The following ARHGAP6 variants were observed in gnomAD, a reference collection of about 807,000 sequenced individuals.
The protein encoded by ARHGAP6 is rho GTPase-activating protein 6.
ARHGAP6 carries 16 observed loss-of-function variants against 55.7 expected under a neutral mutation model. That is an observed-to-expected ratio of 0.29 (90% CI 0.19 to 0.44). The LOEUF is 0.44. Ranked by LOEUF, ARHGAP6 falls within the 20% of genes least tolerant of loss-of-function variation. The pLI is 1.00. For missense variants in ARHGAP6, 698 were observed against 808.9 expected, an observed-to-expected ratio of 0.86 and a Z score of 1.66; for synonymous variants, 382 against 360.9, an observed-to-expected ratio of 1.06 and a Z score of -0.66.
intron 3 of ARHGAP6, among the ~76,000 whole-genome samples, chrX:11,196,135 A>AAAAACAAAACAAAACAAAACAAAAC (rs572396714): frequency 9.9e-6 from 1 of 100,679 alleles, no homozygotes; most frequent in African/African-American, 3.8e-5. Flanking sequence ...CTCTGTCTCA[A>AAAAACAAAACAAAACAAAACAAAAC]AAAACAAAAC....
intron 1 of ARHGAP6, among the ~76,000 whole-genome samples, chrX:11,346,442 T>C (rs1172496356): frequency 1.8e-5 from 2 of 111,382 alleles, no homozygotes; most frequent in African/African-American, 6.5e-5. Context: ...ACATATGAAT[T>C]TGTTCCATAG....
intron 1 of ARHGAP6, among the ~76,000 whole-genome samples, chrX:11,637,214 C>T (rs2052428451): frequency 9.0e-6 from 1 of 110,933 alleles, no homozygotes; most frequent in Admixed American, 9.6e-5. Flanking sequence ...TAGAAAGATC[C>T]TTATTGCCCA....
In ARHGAP6 at chrX:11,590,870, G is replaced by A. The variant is rs1223019197; in HGVS notation, c.588+73371C>T. 4.2e-3 allele frequency among the ~76,000 whole-genome samples: 120 copies of A among 28,566 alleles called. 2 individuals are homozygous for A. Among genetic ancestry groups the A allele is most frequent in the Non-Finnish European group, 5.6e-3 (90 of 16,089 alleles). The allele number at this position is 28,566 out of a possible 115,157, so 24.8% of individuals were successfully genotyped here. ...AGAAAAGAAAAGAAAAGAAAAGAAG[G>A]AAAGAAAGAAAGAAAGAAAGAAAGA... On this transcript the variant is annotated intron_variant, in intron 1 of 12. Coordinates refer to ENST00000337414, the MANE Select transcript of ARHGAP6 (RefSeq NM_013427.3).
chrX:11,161,546 G>A (rs1479763225), intron 9 of ARHGAP6, among the ~76,000 whole-genome samples: 2 of 110,572 alleles, frequency 1.8e-5, no homozygotes, highest in Non-Finnish European at 3.8e-5. Context: ...GAAAACATAT[G>A]CATATTCATT....
intron 1 of ARHGAP6, among the ~76,000 whole-genome samples, chrX:11,471,748 A>T (rs1280357909): frequency 8.9e-6 from 1 of 111,758 alleles, no homozygotes; most frequent in African/African-American, 3.3e-5. Context: ...GATGCAGGGA[A>T]TCATCCTTGG....
chrX:11,404,254 T>A (rs754505599), intron 1 of ARHGAP6, among the ~76,000 whole-genome samples: 1 of 111,114 alleles, frequency 9.0e-6, no homozygotes, highest in East Asian at 2.8e-4. Flanking sequence ...ACTTTTGGCT[T>A]AAGAACCTAT....
chrX:11,340,371 T>G (rs1470889527), intron 1 of ARHGAP6, among the ~76,000 whole-genome samples: 1 of 111,926 alleles, frequency 8.9e-6, no homozygotes. Context: ...ACAGCTGGCT[T>G]CTTCTCCTCC....
At chrX:11,225,620 G>C (rs1359343587) in intron 2 of ARHGAP6, 4 of 372,734 alleles carry the variant, frequency 1.1e-5, no homozygotes, top group Non-Finnish European at 1.8e-5. Context: ...TGTTTTGTAA[G>C]TATTAAAATT....
At chrX:11,419,437 A>G (rs2049793057) in intron 1 of ARHGAP6, among the ~76,000 whole-genome samples, 1 of 112,474 alleles carries the variant, frequency 8.9e-6, no homozygotes, top group Non-Finnish European at 1.9e-5. Context: ...TGCTCAGACC[A>G]TCGAAATGGC....
chrX:11,549,085 G>A (rs775889515), intron 1 of ARHGAP6, among the ~76,000 whole-genome samples: 2 of 112,306 alleles, frequency 1.8e-5, no homozygotes, highest in African/African-American at 3.2e-5. Context: ...ACATTAAGAC[G>A]TTAGGCCTAA....
At chrX:11,308,123 T>G (rs1180835299) in intron 1 of ARHGAP6, among the ~76,000 whole-genome samples, 1 of 112,305 alleles carries the variant, frequency 8.9e-6, no homozygotes, top group Non-Finnish European at 1.9e-5. Flanking sequence ...TTTAAGGTAA[T>G]AGATCACCAA....
intron 1 of ARHGAP6, among the ~76,000 whole-genome samples, chrX:11,550,001 T>C (rs1345360018): frequency 8.9e-6 from 1 of 112,069 alleles, no homozygotes; most frequent in African/African-American, 3.2e-5. Context: ...GAATGCTTGG[T>C]AACAGGCCAT....
intron 3 of ARHGAP6, among the ~76,000 whole-genome samples, chrX:11,193,715 T>A (rs973504444): frequency 5.3e-5 from 6 of 112,475 alleles, no homozygotes; most frequent in African/African-American, 1.6e-4. Flanking sequence ...CATTTCAGAG[T>A]TTTCACTGAG....
intron 2 of ARHGAP6, among the ~76,000 whole-genome samples, chrX:11,205,479 T>A (rs1268193606): frequency 8.9e-6 from 1 of 112,270 alleles, no homozygotes; most frequent in Non-Finnish European, 1.9e-5. Flanking sequence ...TCTCTTGGCT[T>A]ATGATATACC....
chrX:11,635,114 A>T (rs1258717818), intron 1 of ARHGAP6, among the ~76,000 whole-genome samples: 1 of 112,568 alleles, frequency 8.9e-6, no homozygotes, highest in Non-Finnish European at 1.9e-5. Context: ...ATCCAGCAAG[A>T]TAGAACCGGC....
intron 1 of ARHGAP6, among the ~76,000 whole-genome samples, chrX:11,301,619 T>A (rs931088390): frequency 8.9e-6 from 1 of 111,946 alleles, no homozygotes; most frequent in African/African-American, 3.2e-5. Flanking sequence ...TAACTTGATT[T>A]TAAAGAATTT....
chrX:11,594,443 C>G (rs1209903726), intron 1 of ARHGAP6, among the ~76,000 whole-genome samples: 6 of 111,274 alleles, frequency 5.4e-5, no homozygotes, highest in Non-Finnish European at 1.1e-4. Flanking sequence ...AATAAATAAC[C>G]TTCTAATTCA....
chrX:11,639,190 A>G (rs755901350), intron 1 of ARHGAP6, among the ~76,000 whole-genome samples: 2 of 111,217 alleles, frequency 1.8e-5, no homozygotes, highest in Non-Finnish European at 3.8e-5. Context: ...TTATGAAAAG[A>G]GTATAAATTA....
At chrX:11,598,573 C>T (rs1351470608) in intron 1 of ARHGAP6, among the ~76,000 whole-genome samples, 1 of 111,775 alleles carries the variant, frequency 8.9e-6, no homozygotes, top group East Asian at 2.8e-4. Flanking sequence ...CAATATTTAG[C>T]TCCAACTTCT....
Sources: gnomAD v4.1 joint callset for allele counts (sites outside exome capture counted in the v4.1 genomes callset) on GRCh38, gnomAD v4.1.1 for gene constraint, MANE v1.5 for transcripts, NCBI Gene and HGNC (gene_info 2026-07-23, HGNC 2026-07-21) for gene names.